The following OGA variants were observed in gnomAD, a reference collection of about 807,000 sequenced individuals.
OGA encodes the protein O-GlcNAcase, also known as protein O-GlcNAcase.
In OGA, 21 loss-of-function variants were observed where a neutral mutation model predicts 102.0. The observed-to-expected ratio is 0.21, with a 90% CI of 0.15 to 0.30. OGA has a LOEUF of 0.30. Ranked by LOEUF, OGA falls within the 10% of genes least tolerant of loss-of-function variation. OGA has a pLI of 1.00. For missense variants in OGA, 765 were observed against 1,107.8 expected, an observed-to-expected ratio of 0.69 and a Z score of 4.39; for synonymous variants, 408 against 378.2, an observed-to-expected ratio of 1.08 and a Z score of -0.91.
chr10:101,818,002 T>C lies in OGA; in HGVS notation c.21A>G (p.Gln7=), dbSNP rs1394944733. ...CGCTCTCCCGCTCCTCCAACGTCGC[T>C]TGACTCTCCTTCTGCACCATCCTCC... MVQKES[Q]ATLEERESEL... Residue 7 remains glutamine (Q), a synonymous_variant, in exon 1 of 16, where the codon CAA becomes CAG. Coordinates refer to ENST00000361464, the MANE Select transcript of OGA (RefSeq NM_012215.5). 3 of 1,602,770 alleles carry C rather than the reference T, an allele frequency of 1.9e-6. No individual in the cohort carries two copies. Among genetic ancestry groups the C allele is most frequent in the African/African-American group, 2.7e-5 (2 of 74,614 alleles).
intron 12 of OGA, 88 bp from the exon 13 acceptor site, chr10:101,791,527 G>A (rs1024368513): frequency 9.4e-6 from 9 of 956,746 alleles, no homozygotes; most frequent in Non-Finnish European, 1.3e-5. Flanking sequence ...TGGGGAGGGA[G>A]TAACAAAATG....
intron 7 of OGA, 30 bp downstream of exon 7, chr10:101,803,705 A>G: frequency 1.3e-6 from 2 of 1,587,758 alleles, no homozygotes; most frequent in Non-Finnish European, 1.7e-6. Context: ...CTCTCCTCCC[A>G]AGGTGAAAGA....
rs193077065 is a variant in OGA, at chr10:101,796,729, C to T, written c.1984+1251G>A. ...GGGATTACAGGCATGCGCCACCACG[C>T]CTGGCTAATTTTTGTATTTTTTTAG... On this transcript the variant is annotated intron_variant, in intron 10 of 15. Transcript: ENST00000361464. Among the ~76,000 whole-genome samples the T allele has an allele frequency of 4.5e-4, 69 of 152,200 alleles. No homozygotes were observed. The East Asian group carries it at 7.5e-3, about 17-fold the overall frequency.
chr10:101,798,712 C>T, intron 9 of OGA, 130 bp downstream of exon 9: 1 of 1,204,376 alleles, frequency 8.3e-7, no homozygotes, highest in Non-Finnish European at 1.1e-6. Flanking sequence ...TCATAACCGG[C>T]CTAAAGAACA....
At position 101,791,384 on chromosome 10, in the gene OGA, A is replaced by C. The variant is rs1242775056; in HGVS notation, c.2231T>G (p.Phe744Cys). ...TCCAATAAGATCAGGCTGACTTTGA[A>C]AGGGTAAACCCACTCCATCGTCATA... ...EMYDDGVGLP[F>C]QSQPDLIGDK... The change falls in exon 13 of 16, where the codon TTT (phenylalanine) becomes TGT (cysteine). Residue 744 changes from phenylalanine to cysteine, a missense_variant. Around this residue, in one of 7 missense-constraint regions of OGA, gnomAD observed 146 missense variants for 269.7 expected, o/e 0.54. Coordinates refer to ENST00000361464, the MANE Select transcript of OGA (RefSeq NM_012215.5). The C allele has an allele frequency of 6.8e-6, 11 of 1,614,098 alleles. No homozygotes were observed. The highest frequency in any genetic ancestry group is 9.3e-6 in the Non-Finnish European group (11 of 1,179,962).
intron 4 of OGA, among the ~76,000 whole-genome samples, chr10:101,808,528 G>C (rs1169134767): frequency 6.6e-6 from 1 of 152,172 alleles, no homozygotes; most frequent in African/African-American, 2.4e-5. Flanking sequence ...GAATCAGAAA[G>C]AATAGAATTT....
chr10:101,791,388 G>A lies in OGA; in HGVS notation c.2227C>T (p.Pro743Ser), dbSNP rs1229550705. 6.2e-7 allele frequency: 1 copy of A among 1,613,892 alleles called. No individual in the cohort carries two copies. The highest frequency in any genetic ancestry group is 1.7e-5 in the Admixed American group (1 of 59,994). ...ATAAGATCAGGCTGACTTTGAAAGG[G>A]TAAACCCACTCCATCGTCATACATT... ...REMYDDGVGL[P>S]FQSQPDLIGD... Residue 743 changes from proline to serine, a missense_variant, in exon 13 of 16, where the codon CCC becomes TCC. Pro to Ser is a moderately conservative substitution (Grantham distance 74). Transcript: ENST00000361464.
Position 101,786,191 on chromosome 10 carries a change from TA to T in OGA, c.*259del. On this transcript the variant is annotated 3_prime_UTR_variant, in exon 16 of 16. Coordinates refer to ENST00000361464, the MANE Select transcript of OGA (RefSeq NM_012215.5). ...GACTCTCTCCCTGTATAAGCCCATG[TA>T]AAAGGTCTCAGCACCTAACACAAGA... The T allele has an allele frequency of 6.6e-6, 2 of 303,526 alleles. No individual in the cohort carries two copies. Among genetic ancestry groups the T allele is most frequent in the East Asian group, 5.6e-5 (1 of 17,790 alleles). The allele number at this position is 303,526 out of a possible 1,614,324, so 18.8% of individuals were successfully genotyped here.
intron 15 of OGA, among the ~76,000 whole-genome samples, 171 bp from the exon 16 acceptor site, chr10:101,786,758 G>C (rs1218090095): frequency 6.6e-6 from 1 of 152,210 alleles, no homozygotes; most frequent in East Asian, 1.9e-4. Flanking sequence ...TCAATAATGA[G>C]TGGCGTGAGC....
At position 101,784,740 on chromosome 10, in the gene OGA, C is replaced by T. The variant is rs2135016848; in HGVS notation, c.*1711G>A. 1 of 152,244 alleles carries T rather than the reference C, an allele frequency of 6.6e-6. No homozygotes were observed. The highest frequency in any genetic ancestry group is 1.9e-4 in the East Asian group (1 of 5,180). The allele number at this position is 152,244 out of a possible 1,614,324, so 9.4% of individuals were successfully genotyped here. A position where few individuals can be genotyped will look rare whatever the true frequency, so the allele number is the denominator to read the frequency against. On this transcript the variant is annotated 3_prime_UTR_variant, in exon 16 of 16. Transcript: ENST00000361464. ...CCATGAGGTTAACTCTGAAATCCTCCAAACAAAATGCTAGAATTGTCCACT... is the reference window on the plus strand; with the variant it reads ...CCATGAGGTTAACTCTGAAATCCTCTAAACAAAATGCTAGAATTGTCCACT...
At chr10:101,786,903 G>A (rs894102738) in intron 15 of OGA, among the ~76,000 whole-genome samples, 4 of 152,174 alleles carry the variant, frequency 2.6e-5, no homozygotes, top group Non-Finnish European at 5.9e-5. Context: ...GAGTAGCTGG[G>A]ATTACAGGCG....
rs573720208 is a variant in OGA at position 101,785,657 on chromosome 10, A to T, written c.*794T>A. On this transcript the variant is annotated 3_prime_UTR_variant, in exon 16 of 16. Transcript: ENST00000361464. ...CAAACCCAAAGACAAAAGTAAAGAAAATCCACTTTTCACTGGTTTACATTA... is the reference window on the plus strand; with the variant it reads ...CAAACCCAAAGACAAAAGTAAAGAATATCCACTTTTCACTGGTTTACATTA... 3 of 152,734 alleles carry T rather than the reference A, an allele frequency of 2.0e-5. No individual in the cohort carries two copies. The East Asian group carries it at 5.8e-4, about 29-fold the overall frequency. 9.5% of individuals were successfully genotyped at this position (152,734 alleles called of 1,614,324 possible). A position where few individuals can be genotyped will look rare whatever the true frequency, so the allele number is the denominator to read the frequency against.
At position 101,817,957 on chromosome 10, in the gene OGA, G is replaced by T; in HGVS notation, c.66C>A (p.Ala22=). The T allele has an allele frequency of 3.7e-6, 6 of 1,603,140 alleles. No individual in the cohort carries two copies. Among genetic ancestry groups the T allele is most frequent in the Admixed American group, 1.7e-5 (1 of 59,458 alleles). Reference sequence around the variant, plus strand: ...GCTCCAGCGATGCCCCCGCAGAGGCGGCAGGGTTGGAGCTGAGCTCGCTCT... The same window carrying T: ...GCTCCAGCGATGCCCCCGCAGAGGCTGCAGGGTTGGAGCTGAGCTCGCTCT... ...ERESELSSNP[A]ASAGASLEPP... Residue 22 remains alanine (A), a synonymous_variant, in exon 1 of 16, where the codon GCC becomes GCA. Coordinates refer to ENST00000361464, the MANE Select transcript of OGA (RefSeq NM_012215.5).
intron 1 of OGA, 25 bp from the exon 2 acceptor site, chr10:101,813,631 T>A: frequency 7.1e-7 from 1 of 1,418,202 alleles, no homozygotes; most frequent in Non-Finnish European, 9.8e-7. Context: ...AGAATGAAAT[T>A]ATATTCAGTT....
chr10:101,816,457 T>C (rs1398566269), intron 1 of OGA, among the ~76,000 whole-genome samples: 4 of 152,194 alleles, frequency 2.6e-5, no homozygotes, highest in South Asian at 2.1e-4. Context: ...GTTTTCTCCT[T>C]TTATAACTGA....
chr10:101,787,573 T>A (rs370635730), intron 14 of OGA, 50 bp from the exon 15 acceptor site: 3 of 1,493,932 alleles, frequency 2.0e-6, no homozygotes, highest in African/African-American at 2.8e-5. Flanking sequence ...GCATTAGATA[T>A]CTAACCCAAC....
At position 101,804,049 on chromosome 10, in the gene OGA, G is replaced by A. The variant is rs745848022; in HGVS notation, c.752-30C>T. 6.3e-6 allele frequency: 10 copies of A among 1,585,168 alleles called. No homozygotes were observed. In the South Asian group the frequency reaches 9.1e-5, roughly 14 times the overall value. ...AAATAACGACAACCGTTCGTTAAAAGAATCATGGTTCTTGGCTAGACGCAT... is the reference window on the plus strand; with the variant it reads ...AAATAACGACAACCGTTCGTTAAAAAAATCATGGTTCTTGGCTAGACGCAT... On this transcript the variant is annotated intron_variant, in intron 6 of 15. Transcript: ENST00000361464.
At chr10:101,789,353 C>A (rs1026218385) in intron 14 of OGA, among the ~76,000 whole-genome samples, 2 of 152,160 alleles carry the variant, frequency 1.3e-5, no homozygotes, top group East Asian at 1.9e-4. Context: ...ATAAAATTAT[C>A]CGGGCGTGGT....
intron 6 of OGA, among the ~76,000 whole-genome samples, chr10:101,804,342 G>A (rs966031431): frequency 2.8e-5 from 4 of 144,828 alleles, no homozygotes; most frequent in Admixed American, 1.4e-4. Context: ...GTGTGATCTC[G>A]GCTCACTGTA....
Sources: gnomAD v4.1 joint callset for allele counts (sites outside exome capture counted in the v4.1 genomes callset) on GRCh38, gnomAD v4.1.1 for gene constraint, gnomAD v4.1.1 regional missense constraint, MANE v1.5 for transcripts, NCBI Gene and HGNC (gene_info 2026-07-23, HGNC 2026-07-21) for gene names.